ZNF385B: variants seen among roughly 807,000 people sequenced by gnomAD.
ZNF385B encodes zinc finger protein 385B.
In ZNF385B, 23 loss-of-function variants were observed where a neutral mutation model predicts 39.2. The observed-to-expected ratio is 0.59, with a 90% CI of 0.42 to 0.83. The LOEUF is 0.83. Ranked by LOEUF, ZNF385B falls within the 40% of genes least tolerant of loss-of-function variation. The probability of loss-of-function intolerance (pLI) is 0.00; values close to 1 mark genes in which losing one functional copy is unlikely to be tolerated. For synonymous variants in ZNF385B, 205 were observed against 222.6 expected (o/e 0.92, Z 0.70); for missense variants, 552 against 598.9 (o/e 0.92, Z 0.82).
At chr2:179,804,408 T>C (rs1706222737) in intron 1 of ZNF385B, among the ~76,000 whole-genome samples, 1 of 152,174 alleles carries the variant, frequency 6.6e-6, no homozygotes, top group Admixed American at 6.6e-5. Flanking sequence ...GAGCCTGATT[T>C]CCATAACATG....
chr2:179,528,977 T>G (rs548573605), intron 4 of ZNF385B, among the ~76,000 whole-genome samples: 2 of 152,212 alleles, frequency 1.3e-5, no homozygotes, highest in East Asian at 3.8e-4. Flanking sequence ...GTTTAACAAA[T>G]AAGACTTTCA....
intron 3 of ZNF385B, among the ~76,000 whole-genome samples, chr2:179,729,605 A>G (rs1416357132): frequency 1.3e-5 from 2 of 152,192 alleles, no homozygotes; most frequent in African/African-American, 4.8e-5. Flanking sequence ...AATTTTGTAA[A>G]TATTCCAAGG....
At chr2:179,589,333 G>A (rs1333414020) in intron 3 of ZNF385B, among the ~76,000 whole-genome samples, 1 of 152,162 alleles carries the variant, frequency 6.6e-6, no homozygotes, top group African/African-American at 2.4e-5. Context: ...GAGAGCCAGA[G>A]ACTGAATGAT....
chr2:179,829,027 A>T (rs994542238), intron 1 of ZNF385B, among the ~76,000 whole-genome samples: 4 of 130,016 alleles, frequency 3.1e-5, no homozygotes, highest in African/African-American at 1.4e-4. Context: ...GGGATGGATT[A>T]AAAAAAAAAA....
At chr2:179,562,341 A>C in intron 3 of ZNF385B, 1 of 948,918 alleles carries the variant, frequency 1.1e-6, no homozygotes, top group Non-Finnish European at 1.3e-6. Flanking sequence ...TATTTTTGTC[A>C]CATATTTCAT....
chr2:179,471,614 T>C (rs1282566442), intron 6 of ZNF385B, among the ~76,000 whole-genome samples: 1 of 152,250 alleles, frequency 6.6e-6, no homozygotes, highest in African/African-American at 2.4e-5. Flanking sequence ...GAAATATTTA[T>C]ACTCTTCACC....
intron 3 of ZNF385B, among the ~76,000 whole-genome samples, chr2:179,600,882 A>G (rs1050987671): frequency 3.3e-5 from 5 of 152,224 alleles, no homozygotes; most frequent in African/African-American, 1.2e-4. Context: ...CATTACATTT[A>G]GAAAAAAACA....
chr2:179,475,488 G>A (rs904224988), intron 6 of ZNF385B, among the ~76,000 whole-genome samples: 4 of 151,776 alleles, frequency 2.6e-5, no homozygotes, highest in African/African-American at 9.7e-5. Context: ...CTGACCTTGT[G>A]ATCCATCCGC....
At chr2:179,720,512 G>C (rs542523062) in intron 3 of ZNF385B, among the ~76,000 whole-genome samples, 35 of 137,638 alleles carry the variant, frequency 2.5e-4, no homozygotes, top group African/African-American at 9.1e-4. Context: ...GGGGAAGAAA[G>C]GGAGGAGGAG....
intron 6 of ZNF385B, among the ~76,000 whole-genome samples, chr2:179,448,341 T>A (rs1468835315): frequency 6.6e-6 from 1 of 152,098 alleles, no homozygotes; most frequent in Non-Finnish European, 1.5e-5. Context: ...ACAGAACTCA[T>A]AAAGCAGCAA....
At chr2:179,530,225 C>G (rs912598751) in intron 4 of ZNF385B, among the ~76,000 whole-genome samples, 1 of 152,056 alleles carries the variant, frequency 6.6e-6, no homozygotes, top group African/African-American at 2.4e-5. Context: ...ATTTCCATAA[C>G]ATAAAATTCA....
At chr2:179,444,513 T>G (rs1376094987) in intron 9 of ZNF385B, among the ~76,000 whole-genome samples, 1 of 152,190 alleles carries the variant, frequency 6.6e-6, no homozygotes, top group African/African-American at 2.4e-5. Flanking sequence ...GATATTAAAT[T>G]AAATGGATGG....
At chr2:179,584,575 A>G (rs1318695952) in intron 3 of ZNF385B, among the ~76,000 whole-genome samples, 1 of 152,208 alleles carries the variant, frequency 6.6e-6, no homozygotes, top group Non-Finnish European at 1.5e-5. Flanking sequence ...TATAATGAGT[A>G]CAACATATCT....
At chr2:179,560,187 G>T (rs531726481) in intron 3 of ZNF385B, among the ~76,000 whole-genome samples, 1 of 152,110 alleles carries the variant, frequency 6.6e-6, no homozygotes, top group Admixed American at 6.5e-5. Context: ...AACACCAAAA[G>T]TCAAGGCCAT....
intron 4 of ZNF385B, among the ~76,000 whole-genome samples, chr2:179,544,037 T>C (rs1456682516): frequency 6.6e-6 from 1 of 152,176 alleles, no homozygotes; most frequent in East Asian, 1.9e-4. Flanking sequence ...TATTTAACAA[T>C]CAAGCAGACA....
intron 3 of ZNF385B, among the ~76,000 whole-genome samples, chr2:179,708,927 T>C (rs191456251): frequency 6.6e-6 from 1 of 152,330 alleles, no homozygotes; most frequent in African/African-American, 2.4e-5. Flanking sequence ...AATAGTAGAT[T>C]ACTGGGAATT....
intron 3 of ZNF385B, among the ~76,000 whole-genome samples, chr2:179,666,113 G>A (rs1044112317): frequency 2.6e-5 from 4 of 152,184 alleles, no homozygotes; most frequent in Admixed American, 2.0e-4. Flanking sequence ...TACATCTAAT[G>A]TTGGGAGATG....
At chr2:179,842,331 C>A (rs915401488) in intron 1 of ZNF385B, among the ~76,000 whole-genome samples, 1 of 151,954 alleles carries the variant, frequency 6.6e-6, no homozygotes, top group African/African-American at 2.4e-5. Flanking sequence ...TTTACAAAAC[C>A]AGTTTGTGTT....
chr2:179,475,391 A>G (rs2105546343), intron 6 of ZNF385B, among the ~76,000 whole-genome samples: 1 of 151,942 alleles, frequency 6.6e-6, no homozygotes, highest in South Asian at 2.1e-4. Flanking sequence ...AGCTGGGACT[A>G]CAGGCGCCCG....
Sources: gnomAD v4.1 joint callset for allele counts (sites outside exome capture counted in the v4.1 genomes callset) on GRCh38, gnomAD v4.1.1 for gene constraint, MANE v1.5 for transcripts, NCBI Gene and HGNC (gene_info 2026-07-23, HGNC 2026-07-21) for gene names.